The following STK25 variants were observed in gnomAD, a reference collection of about 807,000 sequenced individuals.
STK25 encodes serine/threonine-protein kinase 25.
In STK25, 29 loss-of-function variants were observed where a neutral mutation model predicts 53.8. The ratio of observed to expected loss-of-function variants is 0.54; its 90% CI spans 0.40 to 0.74. STK25 has a LOEUF of 0.74. Among genes scored for constraint, STK25 ranks in the 30% least tolerant of loss-of-function variants. STK25 has a pLI of 0.00. For synonymous variants in STK25, 247 were observed against 238.3 expected (o/e 1.04, Z -0.33); for missense variants, 420 against 568.0 (o/e 0.74, Z 2.65).
chr2:241,499,737 C>A (rs1559833921), intron 5 of STK25: 1 of 489,656 alleles, frequency 2.0e-6, no homozygotes, highest in East Asian at 3.8e-5. Flanking sequence ...CCAACACGGG[C>A]CTGCCAGGAA....
chr2:241,508,293 C>T, intron 1 of STK25, 150 bp downstream of exon 1: 1 of 1,261,556 alleles, frequency 7.9e-7, no homozygotes, highest in Non-Finnish European at 1.0e-6. Flanking sequence ...CGGGGGCTCG[C>T]CGCCCCTCCC....
rs779692816 is a variant in STK25, at chr2:241,498,979, C to A, written c.771+10G>T. On this transcript the variant is annotated intron_variant, in intron 7 of 11. Coordinates refer to ENST00000316586, the MANE Select transcript of STK25 (RefSeq NM_001271977.2). ...TGTCTAGAAGGGACCGGGCCAGAGG[C>A]GGGCCTTACGAATCGGGGGTCTTTG... 67 of 1,613,432 alleles carry A rather than the reference C, an allele frequency of 4.2e-5. No individual in the cohort carries two copies. Among genetic ancestry groups the A allele is most frequent in the Non-Finnish European group, 5.3e-5 (63 of 1,179,680 alleles).
chr2:241,498,793 G>A lies in STK25; in HGVS notation c.772-9C>T. ...TCCTTGGCCGTGGGCCGCTGCAGGG[G>A]GTCAGGGGAACACTAGTCACTGGGC... On this transcript the variant is annotated splice_polypyrimidine_tract_variant and intron_variant, in intron 7 of 11. Coordinates refer to ENST00000316586, the MANE Select transcript of STK25 (RefSeq NM_001271977.2). 1 of 1,613,796 alleles carries A rather than the reference G, an allele frequency of 6.2e-7. No individual in the cohort carries two copies. The highest frequency in any genetic ancestry group is 8.5e-7 in the Non-Finnish European group (1 of 1,179,876).
rs765844476 is a variant in STK25 at position 241,492,990 on chromosome 2, G to C, written c.*2672C>G. On this transcript the variant is annotated 3_prime_UTR_variant, in exon 12 of 12. Coordinates refer to ENST00000316586, the MANE Select transcript of STK25 (RefSeq NM_001271977.2). ...AACAGTCATGGCTGGCAGAAGCTCT[G>C]GGTCGTCTTTACCAACTTCTGTTTG... 1 of 1,612,576 alleles carries C rather than the reference G, an allele frequency of 6.2e-7. No individual in the cohort carries two copies. The highest frequency in any genetic ancestry group is 8.5e-7 in the Non-Finnish European group (1 of 1,178,646).
chr2:241,499,199 C>G (rs199912049), intron 6 of STK25, 25 bp from the exon 7 acceptor site: 1 of 1,613,810 alleles, frequency 6.2e-7, no homozygotes, highest in African/African-American at 1.3e-5. Flanking sequence ...AGGACTGTTG[C>G]TGCCCTGAGC....
rs139507659 is a variant in STK25, at chr2:241,493,043, G to A, written c.*2619C>T. On this transcript the variant is annotated 3_prime_UTR_variant, in exon 12 of 12. Coordinates refer to ENST00000316586, the MANE Select transcript of STK25 (RefSeq NM_001271977.2). ...CTTCTACAAAACTCATCAGGTACTG[G>A]AGTTTCACTGGAGCCCAATGCAGGT... 9.2e-5 allele frequency: 136 copies of A among 1,474,378 alleles called. No homozygotes were observed. In the African/African-American group the frequency reaches 1.5e-3, roughly 16 times the overall value. 91.3% of individuals were successfully genotyped at this position (1,474,378 alleles called of 1,614,324 possible).
chr2:241,500,585 G>A (rs772414707), intron 4 of STK25, among the ~76,000 whole-genome samples, 155 bp downstream of exon 4: 3 of 152,158 alleles, frequency 2.0e-5, no homozygotes, highest in Admixed American at 6.5e-5. Context: ...CTGGGCAGAC[G>A]TGCAGATGGC....
Position 241,493,703 on chromosome 2 carries a change from T to C in STK25, c.*1959A>G. 3.8e-6 allele frequency: 2 copies of C among 531,508 alleles called. No individual in the cohort carries two copies. The highest frequency in any genetic ancestry group is 6.7e-6 in the Non-Finnish European group (2 of 298,060). The allele number at this position is 531,508 out of a possible 1,614,324, so 32.9% of individuals were successfully genotyped here. A position where few individuals can be genotyped will look rare whatever the true frequency, so the allele number is the denominator to read the frequency against. ...TGCACCTCCAGGGTTCAAGCGATTC[T>C]TCTGCCTCAGCCTCCTGAGTAACTG... On this transcript the variant is annotated 3_prime_UTR_variant, in exon 12 of 12. Coordinates refer to ENST00000316586, the MANE Select transcript of STK25 (RefSeq NM_001271977.2).
In STK25 at chr2:241,492,831, G is replaced by GAGAA. The variant is rs1223331877; in HGVS notation, c.*2827_*2830dup. 5.6e-6 allele frequency: 4 copies of GAGAA among 712,288 alleles called. No individual in the cohort carries two copies. Among genetic ancestry groups the GAGAA allele is most frequent in the Non-Finnish European group, 1.0e-5 (4 of 395,894 alleles). 44.1% of individuals were successfully genotyped at this position (712,288 alleles called of 1,614,324 possible). ...AGAGGTAAAACCAAGGCCTCAGCTG[G>GAGAA]AGAAAGCATGCAGAGGCTTAGTCTT... On this transcript the variant is annotated 3_prime_UTR_variant, in exon 12 of 12. Transcript: ENST00000316586.
intron 2 of STK25, among the ~76,000 whole-genome samples, chr2:241,502,405 C>T (rs1239587888): frequency 6.6e-6 from 1 of 152,008 alleles, no homozygotes; most frequent in Non-Finnish European, 1.5e-5. Flanking sequence ...GATTTGGGAG[C>T]TCTTACTTAA....
At chr2:241,505,179 C>T (rs368555113) in intron 2 of STK25, among the ~76,000 whole-genome samples, 1 of 152,018 alleles carries the variant, frequency 6.6e-6, no homozygotes, top group Non-Finnish European at 1.5e-5. Context: ...CAGAAGCAGC[C>T]CCTCTTCTGC....
In STK25 at chr2:241,496,697, G is replaced by A. The variant is rs1210083310; in HGVS notation, c.1105-163C>T. On this transcript the variant is annotated intron_variant, in intron 10 of 11. Transcript: ENST00000316586. This position sits in a 1 kb window ranked among gnomAD's most constrained non-coding sequence, Gnocchi z 5.8. The stretch of plus-strand genomic sequence containing the variant: ...CCGGGAAGTGAGGTGGCCCAAGGAA[G>A]CCTCTGCCCCTGCCCTGCCAACGGG... 6.6e-6 allele frequency among the ~76,000 whole-genome samples: 1 copy of A among 152,088 alleles called. No homozygotes were observed. The highest frequency in any genetic ancestry group is 2.4e-5 in the African/African-American group (1 of 41,402).
At chr2:241,497,561 T>A in intron 10 of STK25, 55 bp downstream of exon 10, 4 of 1,559,648 alleles carry the variant, frequency 2.6e-6, no homozygotes, top group Non-Finnish European at 3.5e-6. Context: ...CGTGCAACAG[T>A]GTCACAGCCT....
At position 241,499,031 on chromosome 2, in the gene STK25, G is replaced by C. The variant is rs2124964091; in HGVS notation, c.729C>G (p.Phe243Leu). ...PTLEGQHSKP[F>L]KEFVEACLNK... ...TGAGGCAGGCCTCCACGAACTCCTTGAAGGGCTTGCTGTGCTGGCCCTCCA... is the reference window on the plus strand; with the variant it reads ...TGAGGCAGGCCTCCACGAACTCCTTCAAGGGCTTGCTGTGCTGGCCCTCCA... Residue 243 changes from phenylalanine to leucine, a missense_variant, in exon 7 of 12, where the codon TTC becomes TTG. Coordinates refer to ENST00000316586, the MANE Select transcript of STK25 (RefSeq NM_001271977.2). 6.2e-7 allele frequency: 1 copy of C among 1,614,054 alleles called. No individual in the cohort carries two copies. The highest frequency in any genetic ancestry group is 8.5e-7 in the Non-Finnish European group (1 of 1,180,002).
At chr2:241,508,789 C>T (rs769780288), upstream of STK25, 787 of 978,942 alleles carry the variant, frequency 8.0e-4, no homozygotes, top group Non-Finnish European at 9.0e-4. Context: ...AAGGTTTGGA[C>T]TGCGTCTCCC....
intron 2 of STK25, among the ~76,000 whole-genome samples, chr2:241,506,753 GC>G (rs1453149628): frequency 6.6e-6 from 1 of 152,172 alleles, no homozygotes. Flanking sequence ...GGCAACAAAA[GC>G]GAAACTCCGT....
intron 9 of STK25, among the ~76,000 whole-genome samples, chr2:241,498,020 T>C (rs1419168989): frequency 6.6e-6 from 1 of 151,428 alleles, no homozygotes; most frequent in Non-Finnish European, 1.5e-5. Flanking sequence ...TCCTCACAAA[T>C]TTGGCTCCAA....
Position 241,501,700 on chromosome 2 carries a change from T to C in STK25, c.39A>G (p.Arg13=). Residue 13 remains arginine, a synonymous_variant, in exon 3 of 12, where the codon CGA becomes CGG. Transcript: ENST00000316586. The surrounding 1 kb of genome is among the most constrained non-coding windows in gnomAD (Gnocchi z 5.3). ...HLRGFANQHS[R]VDPEELFTKL... is the part of the protein sequence containing the mutation. Reference sequence around the variant, plus strand: ...TGGTGAAGAGCTCCTCAGGGTCCACTCGAGAGTGCTGTGGGGCCAGGGCGG... The same window carrying C: ...TGGTGAAGAGCTCCTCAGGGTCCACCCGAGAGTGCTGTGGGGCCAGGGCGG... The C allele has an allele frequency of 6.2e-7, 1 of 1,612,166 alleles. No homozygotes were observed. Among genetic ancestry groups the C allele is most frequent in the East Asian group, 2.2e-5 (1 of 44,818 alleles).
At chr2:241,503,950 G>A (rs1382900644) in intron 2 of STK25, 1 of 461,818 alleles carries the variant, frequency 2.2e-6, no homozygotes, top group African/African-American at 2.0e-5. Context: ...ACCAGCCTGA[G>A]GCGACACTTC....
Sources: allele counts gnomAD v4.1 joint callset (sites outside exome capture counted in the v4.1 genomes callset), GRCh38; gene constraint gnomAD v4.1.1; non-coding constraint Gnocchi (gnomAD v3.1); transcripts MANE v1.5; gene names NCBI Gene and HGNC (gene_info 2026-07-23, HGNC 2026-07-21).